RBFOX1: variants seen among roughly 807,000 people sequenced by gnomAD.
RBFOX1 encodes RNA binding protein fox-1 homolog 1.
A neutral mutation model predicts 57.7 loss-of-function variants in RBFOX1; 8 were observed. The ratio of observed to expected loss-of-function variants is 0.14; its 90% confidence interval spans 0.08 to 0.25. The LOEUF is 0.25. Ranked by LOEUF, RBFOX1 falls within the 10% of genes least tolerant of loss-of-function variation. RBFOX1 has a pLI of 1.00. For missense variants in RBFOX1, 611 were observed against 548.5 expected (o/e 1.11, Z -1.14); for synonymous variants, 326 against 222.4 (o/e 1.47, Z -4.15).
At chr16:6,567,958 C>T (rs1359431826) in intron 2 of RBFOX1, among the ~76,000 whole-genome samples, 1 of 152,084 alleles carries the variant, frequency 6.6e-6, no homozygotes, top group Non-Finnish European at 1.5e-5. Context: ...GTAGCTGGGA[C>T]TACAGGCGCA....
At chr16:6,263,741 T>G (rs940646771) in intron 1 of RBFOX1, among the ~76,000 whole-genome samples, 2 of 152,178 alleles carry the variant, frequency 1.3e-5, no homozygotes, top group Non-Finnish European at 2.9e-5. Context: ...TGTCATTATC[T>G]CCTACAAAGC....
At chr16:5,643,796 C>A (rs944044872) in intron 3 of RBFOX1, among the ~76,000 whole-genome samples, 2 of 152,182 alleles carry the variant, frequency 1.3e-5, no homozygotes, top group Non-Finnish European at 1.5e-5. Context: ...CCACTACTGT[C>A]CCCTAATCAC....
At chr16:7,324,948 C>A (rs770105929) in intron 4 of RBFOX1, among the ~76,000 whole-genome samples, 1 of 152,160 alleles carries the variant, frequency 6.6e-6, no homozygotes, top group Admixed American at 6.5e-5. Flanking sequence ...TTTACAGAAG[C>A]CATATACCTA....
At chr16:5,692,042 G>C (rs1411300636) in intron 3 of RBFOX1, among the ~76,000 whole-genome samples, 1 of 151,664 alleles carries the variant, frequency 6.6e-6, no homozygotes, top group East Asian at 1.9e-4. Flanking sequence ...GCCATTCTGT[G>C]TACATCCCCA....
chr16:5,603,491 G>A (rs1424486010), downstream of RBFOX1, among the ~76,000 whole-genome samples: 1 of 152,178 alleles, frequency 6.6e-6, no homozygotes, highest in East Asian at 1.9e-4. Context: ...GATGCAGGGA[G>A]CATTTCTGGG....
chr16:5,358,136 C>T (rs115402104), intron 1 of RBFOX1, among the ~76,000 whole-genome samples: 2,320 of 152,074 alleles, frequency 0.015, 58 homozygotes, highest in African/African-American at 0.053. Flanking sequence ...CTCCTTGCTC[C>T]TGGTGGTTTG....
chr16:7,008,498 C>G (rs1044065095), intron 3 of RBFOX1, among the ~76,000 whole-genome samples: 1 of 152,152 alleles, frequency 6.6e-6, no homozygotes, highest in African/African-American at 2.4e-5. Context: ...TGAGATCATA[C>G]CACTGCACTC....
intron 2 of RBFOX1, among the ~76,000 whole-genome samples, chr16:6,522,169 G>GTGTGTC (rs1426169697): frequency 6.6e-6 from 1 of 151,240 alleles, no homozygotes; most frequent in African/African-American, 2.4e-5. Flanking sequence ...GTGTGTGTGT[G>GTGTGTC]TGTGTGTGTG....
intron 4 of RBFOX1, among the ~76,000 whole-genome samples, chr16:5,891,946 C>G (rs529630661): frequency 5.9e-5 from 9 of 152,344 alleles, no homozygotes; most frequent in African/African-American, 2.2e-4. Context: ...AAGACGATGT[C>G]TCTTGTGGGA....
intron 3 of RBFOX1, among the ~76,000 whole-genome samples, chr16:6,711,168 T>C (rs563559789): frequency 6.6e-6 from 1 of 152,330 alleles, no homozygotes; most frequent in East Asian, 1.9e-4. Flanking sequence ...CAGAATTGTA[T>C]TGACTGCCAC....
In RBFOX1 at chr16:5,533,349, G is replaced by A. The variant is rs150999502; in HGVS notation, c.259-65553G>A. On this transcript the variant is annotated intron_variant, in intron 2 of 2. Transcript: ENST00000585867. The stretch of plus-strand genomic sequence containing the variant: ...CTGGGCTAATTTCAAAAGGAAAGGT[G>A]CCCCCAATAAATATTCCTGACGGCA... Among the ~76,000 whole-genome samples, 347 of 152,254 alleles carry A rather than the reference G, an allele frequency of 2.3e-3. 1 individual carries two copies. The highest frequency in any genetic ancestry group is 8.0e-3 in the African/African-American group (332 of 41,544).
chr16:5,940,723 G>T (rs1174622433), intron 4 of RBFOX1, among the ~76,000 whole-genome samples: 1 of 152,206 alleles, frequency 6.6e-6, no homozygotes, highest in Non-Finnish European at 1.5e-5. Flanking sequence ...AGGGGAAAAT[G>T]AAATCATTCA....
At chr16:6,940,848 A>AGT (rs1283880547) in intron 3 of RBFOX1, among the ~76,000 whole-genome samples, 5,340 of 58,350 alleles carry the variant, frequency 0.092, 285 homozygotes, top group East Asian at 0.13. Context: ...ATGTCCGGCT[A>AGT]GTCTGTGTGT....
At chr16:6,466,848 T>C (rs1212318182) in intron 2 of RBFOX1, among the ~76,000 whole-genome samples, 1 of 152,192 alleles carries the variant, frequency 6.6e-6, no homozygotes, top group Admixed American at 6.5e-5. Context: ...TGATTTCTAG[T>C]CAGAGAGGTG....
chr16:6,968,498 A>G (rs939965975), intron 3 of RBFOX1, among the ~76,000 whole-genome samples: 3 of 152,144 alleles, frequency 2.0e-5, no homozygotes, highest in African/African-American at 7.2e-5. Context: ...CTTTGGCTGA[A>G]GTTCTCCCAT....
chr16:5,598,479 C>G (rs930859332), intron 2 of RBFOX1, among the ~76,000 whole-genome samples: 12 of 152,134 alleles, frequency 7.9e-5, no homozygotes. Context: ...TAATAATAAA[C>G]TTCCTTTGAG....
chr16:7,165,427 T>C (rs1216010714), intron 4 of RBFOX1, among the ~76,000 whole-genome samples: 2 of 148,578 alleles, frequency 1.3e-5, no homozygotes, highest in Non-Finnish European at 3.0e-5. Context: ...ATCATTATTA[T>C]TATTATTATT....
chr16:7,493,447 G>A (rs1234452324), intron 4 of RBFOX1, among the ~76,000 whole-genome samples: 6 of 152,138 alleles, frequency 3.9e-5, no homozygotes. Context: ...ACTGTATATG[G>A]AAAAAGGACC....
intron 3 of RBFOX1, among the ~76,000 whole-genome samples, chr16:7,025,145 C>T (rs1404423225): frequency 1.3e-5 from 2 of 152,158 alleles, no homozygotes; most frequent in African/African-American, 2.4e-5. Context: ...GACAGAACAG[C>T]CCTGAAGGCT....
Sources: gnomAD v4.1 joint callset for allele counts (sites outside exome capture counted in the v4.1 genomes callset) on GRCh38, gnomAD v4.1.1 for gene constraint, MANE v1.5 for transcripts, NCBI Gene and HGNC (gene_info 2026-07-23, HGNC 2026-07-21) for gene names.